Variants in KSR2 observed in about 807,000 individuals in gnomAD.
KSR2 encodes kinase suppressor of ras 2.
In KSR2, 25 loss-of-function variants were observed where a neutral mutation model predicts 107.8. The ratio of observed to expected loss-of-function variants is 0.23; its 90% CI spans 0.17 to 0.32. The LOEUF is 0.32. Among genes scored for constraint, KSR2 ranks in the 10% least tolerant of loss-of-function variants. The pLI, the probability that KSR2 is intolerant of heterozygous loss-of-function variation, is 1.00. For synonymous variants in KSR2, 480 were observed against 507.0 expected, an observed-to-expected ratio of 0.95 and a Z score of 0.71; for missense variants, 887 against 1,268.9, an observed-to-expected ratio of 0.70 and a Z score of 4.57.
At chr12:117,668,990 C>T (rs1398012339) in intron 4 of KSR2, among the ~76,000 whole-genome samples, 9 of 152,184 alleles carry the variant, frequency 5.9e-5, no homozygotes, top group Admixed American at 5.9e-4. Context: ...AGGGACCCCT[C>T]AGCTCACAGC....
intron 3 of KSR2, among the ~76,000 whole-genome samples, chr12:117,850,635 C>G (rs1258943952): frequency 6.6e-6 from 1 of 152,046 alleles, no homozygotes; most frequent in Non-Finnish European, 1.5e-5. Context: ...TGACAAAACT[C>G]TATCTCTACA....
At chr12:117,528,241 A>G (rs1875360986) in intron 12 of KSR2, among the ~76,000 whole-genome samples, 1 of 151,998 alleles carries the variant, frequency 6.6e-6, no homozygotes, top group South Asian at 2.1e-4. Flanking sequence ...AATGCATGTG[A>G]CATTTGACAT....
At position 117,558,586 on chromosome 12, in the gene KSR2, AAGAG is replaced by A. The variant is rs1439691559; in HGVS notation, c.1326-17_1326-14del. 1 of 1,608,592 alleles carries A rather than the reference AAGAG, an allele frequency of 6.2e-7. No individual in the cohort carries two copies. Among genetic ancestry groups the A allele is most frequent in the Non-Finnish European group, 8.5e-7 (1 of 1,175,202 alleles). On this transcript the variant is annotated splice_polypyrimidine_tract_variant and intron_variant, in intron 7 of 19. Coordinates refer to ENST00000339824, the MANE Select transcript of KSR2 (RefSeq NM_173598.6). Reference sequence around the variant, plus strand: ...GTGGCACTTTAACCTGAGAAAGATAAAGAGAGAGAAAGATGGATAGGTGAATGGC... The same window carrying A: ...GTGGCACTTTAACCTGAGAAAGATAAAGAGAAAGATGGATAGGTGAATGGC...
chr12:117,788,904 G>A (rs1890167592), intron 3 of KSR2, among the ~76,000 whole-genome samples: 1 of 152,194 alleles, frequency 6.6e-6, no homozygotes, highest in South Asian at 2.1e-4. Flanking sequence ...TAAAAAGGAA[G>A]CTCTAGGCTA....
intron 4 of KSR2, among the ~76,000 whole-genome samples, chr12:117,710,721 G>T (rs1164657796): frequency 6.6e-6 from 1 of 152,076 alleles, no homozygotes; most frequent in Non-Finnish European, 1.5e-5. Context: ...TTAGCTCAGG[G>T]TCTAATACAT....
At chr12:117,808,411 G>A (rs1315145210) in intron 3 of KSR2, among the ~76,000 whole-genome samples, 1 of 151,982 alleles carries the variant, frequency 6.6e-6, no homozygotes, top group Non-Finnish European at 1.5e-5. Context: ...GGGAAATCAA[G>A]GTTGGAAAAT....
At chr12:117,582,178 A>G in intron 6 of KSR2, 112 bp downstream of exon 6, 1 of 812,538 alleles carries the variant, frequency 1.2e-6, no homozygotes, top group East Asian at 2.5e-5. Flanking sequence ...ATGGTGATGT[A>G]GGTGCTGGAG....
intron 3 of KSR2, among the ~76,000 whole-genome samples, chr12:117,796,086 C>G (rs991290408): frequency 7.5e-6 from 1 of 133,558 alleles, no homozygotes; most frequent in African/African-American, 2.6e-5. Flanking sequence ...GCCACCATGC[C>G]TAGCTAATTT....
chr12:117,871,438 A>G (rs111313206), intron 1 of KSR2, among the ~76,000 whole-genome samples: 2 of 152,180 alleles, frequency 1.3e-5, no homozygotes, highest in South Asian at 2.1e-4. Context: ...AAACTACAAA[A>G]AATGGCCGGG....
chr12:117,621,113 G>A (rs1882173983), intron 5 of KSR2, among the ~76,000 whole-genome samples: 1 of 152,056 alleles, frequency 6.6e-6, no homozygotes, highest in Admixed American at 6.6e-5. Context: ...TTATCGGGGT[G>A]GTTTCCTCCA....
intron 4 of KSR2, among the ~76,000 whole-genome samples, chr12:117,747,522 G>A (rs1351360259): frequency 1.3e-5 from 2 of 151,994 alleles, no homozygotes; most frequent in Non-Finnish European, 2.9e-5. Context: ...GATAGGTGCA[G>A]CAAACCACCA....
At chr12:117,698,284 G>A (rs1164391678) in intron 4 of KSR2, among the ~76,000 whole-genome samples, 1 of 151,884 alleles carries the variant, frequency 6.6e-6, no homozygotes, top group Non-Finnish European at 1.5e-5. Context: ...TTGAACTCCC[G>A]AGACGTCCCA....
intron 4 of KSR2, among the ~76,000 whole-genome samples, chr12:117,694,242 C>A (rs1260583034): frequency 6.6e-6 from 1 of 152,196 alleles, no homozygotes; most frequent in Admixed American, 6.5e-5. Context: ...AGGTCAAGGG[C>A]AGGGCCAGGT....
intron 4 of KSR2, among the ~76,000 whole-genome samples, chr12:117,751,492 C>T (rs1402407062): frequency 6.6e-6 from 1 of 152,172 alleles, no homozygotes; most frequent in African/African-American, 2.4e-5. Flanking sequence ...GGCCACAGTG[C>T]TCATCAAATT....
At chr12:117,681,714 G>A (rs1012401896) in intron 4 of KSR2, among the ~76,000 whole-genome samples, 3 of 152,158 alleles carry the variant, frequency 2.0e-5, no homozygotes, top group African/African-American at 7.2e-5. Context: ...TTTGTATAAG[G>A]TGTAAGGAAG....
At chr12:117,817,374 C>T (rs1316231779) in intron 3 of KSR2, among the ~76,000 whole-genome samples, 2 of 151,992 alleles carry the variant, frequency 1.3e-5, no homozygotes, top group Non-Finnish European at 2.9e-5. Context: ...CTCTCAATAA[C>T]CGCCCCCCAC....
intron 1 of KSR2, among the ~76,000 whole-genome samples, chr12:117,924,426 G>T (rs1895442073): frequency 2.0e-5 from 3 of 150,824 alleles, no homozygotes; most frequent in Non-Finnish European, 4.4e-5. Context: ...AAAAAATTTA[G>T]CTGGGCATGG....
chr12:117,567,019 ATG>A (rs144972352), intron 7 of KSR2, among the ~76,000 whole-genome samples: 9,295 of 152,286 alleles, frequency 0.061, 307 homozygotes, highest in Non-Finnish European at 0.081. Flanking sequence ...AGCATTTACC[ATG>A]TGTGCCAAGC....
chr12:117,623,542 C>T (rs1882306351), intron 5 of KSR2, among the ~76,000 whole-genome samples: 1 of 152,190 alleles, frequency 6.6e-6, no homozygotes, highest in South Asian at 2.1e-4. Context: ...ATCCATGTCC[C>T]TGCAAAGGAC....
Sources: allele counts gnomAD v4.1 joint callset (sites outside exome capture counted in the v4.1 genomes callset), GRCh38; gene constraint gnomAD v4.1.1; transcripts MANE v1.5; gene names NCBI Gene and HGNC (gene_info 2026-07-23, HGNC 2026-07-21).